Variants in DSCAM observed in about 807,000 individuals in gnomAD.
DSCAM encodes the protein cell adhesion molecule DSCAM.
DSCAM carries 47 observed loss-of-function variants against 217.7 expected under a neutral mutation model. The observed-to-expected ratio is 0.22, with a 90% confidence interval of 0.17 to 0.28. The LOEUF (loss-of-function observed/expected upper bound fraction) is 0.28. Among genes scored for constraint, DSCAM ranks in the 10% least tolerant of loss-of-function variants. The pLI is 1.00. For missense variants in DSCAM, 2,080 were observed against 2,618.3 expected (o/e 0.79, Z 4.49); for synonymous variants, 1,056 against 1,015.3 (o/e 1.04, Z -0.76).
intron 3 of DSCAM, among the ~76,000 whole-genome samples, chr21:40,377,585 T>C (rs1220341870): frequency 1.3e-5 from 2 of 151,916 alleles, no homozygotes; most frequent in African/African-American, 2.4e-5. Flanking sequence ...GCTGTGAGCA[T>C]GCTGAGTCAG....
chr21:40,600,488 C>A (rs2077054168), intron 3 of DSCAM, among the ~76,000 whole-genome samples: 1 of 152,172 alleles, frequency 6.6e-6, no homozygotes, highest in Admixed American at 6.5e-5. Flanking sequence ...AAGACTATCA[C>A]AACATATGAA....
At chr21:40,720,822 T>C (rs1331304768) in intron 1 of DSCAM, among the ~76,000 whole-genome samples, 1 of 152,144 alleles carries the variant, frequency 6.6e-6, no homozygotes, top group Non-Finnish European at 1.5e-5. Flanking sequence ...AGTATGACAC[T>C]TGAGGGGACT....
chr21:40,390,820 ACTT>A (rs1216926508), intron 3 of DSCAM, among the ~76,000 whole-genome samples: 4 of 152,108 alleles, frequency 2.6e-5, no homozygotes, highest in African/African-American at 9.7e-5. Flanking sequence ...CATCTTAACT[ACTT>A]ATATCTTCAA....
At position 40,312,371 on chromosome 21, in the gene DSCAM, A is replaced by G. The variant is rs761757781; in HGVS notation, c.1784-12T>C. The G allele has an allele frequency of 3.7e-6, 6 of 1,611,562 alleles. No individual in the cohort carries two copies. The highest frequency in any genetic ancestry group is 5.1e-6 in the Non-Finnish European group (6 of 1,178,358). ...TATGAAAGGCGGAACTGCAAGAAAA[A>G]AGAAAGATAATAACGAACTGTGCTT... On this transcript the variant is annotated splice_polypyrimidine_tract_variant and intron_variant, in intron 8 of 32. Transcript: ENST00000400454.
intron 18 of DSCAM, among the ~76,000 whole-genome samples, chr21:40,136,184 AC>A (rs1161836384): frequency 6.6e-6 from 1 of 152,260 alleles, no homozygotes; most frequent in African/African-American, 2.4e-5. Context: ...ATGTGTGGTC[AC>A]CAGGTAGTCA....
intron 3 of DSCAM, among the ~76,000 whole-genome samples, chr21:40,558,788 T>A (rs2076693095): frequency 6.6e-6 from 1 of 152,200 alleles, no homozygotes; most frequent in African/African-American, 2.4e-5. Context: ...TCACAAACCA[T>A]CCTCGTTATT....
chr21:40,050,086 G>A (rs995894302), intron 30 of DSCAM, among the ~76,000 whole-genome samples: 1 of 152,232 alleles, frequency 6.6e-6, no homozygotes, highest in Non-Finnish European at 1.5e-5. Flanking sequence ...TTGGGGCAGT[G>A]TTTCTCAATG....
chr21:40,287,935 G>A (rs1052266241), intron 10 of DSCAM, among the ~76,000 whole-genome samples: 2 of 152,182 alleles, frequency 1.3e-5, no homozygotes, highest in Non-Finnish European at 2.9e-5. Context: ...ACTACAATGA[G>A]CAGAAAGGAC....
At chr21:40,349,755 T>A (rs2074608462) in intron 5 of DSCAM, among the ~76,000 whole-genome samples, 1 of 152,172 alleles carries the variant, frequency 6.6e-6, no homozygotes, top group African/African-American at 2.4e-5. Context: ...AGACCTACAG[T>A]TACAGATTTT....
chr21:40,446,941 T>C (rs575317642), intron 3 of DSCAM, among the ~76,000 whole-genome samples: 15 of 152,050 alleles, frequency 9.9e-5, no homozygotes, highest in African/African-American at 2.7e-4. Context: ...AGAGACAGGA[T>C]TGAGTGATGC....
chr21:40,078,685 A>G lies in DSCAM; in HGVS notation c.4711+2T>C. 6.2e-7 allele frequency: 1 copy of G among 1,610,936 alleles called. No homozygotes were observed. Among genetic ancestry groups the G allele is most frequent in the Non-Finnish European group, 8.5e-7 (1 of 1,177,570 alleles). On this transcript the variant is annotated splice_donor_variant, in intron 26 of 32. Coordinates refer to ENST00000400454, the MANE Select transcript of DSCAM (RefSeq NM_001389.5). LOFTEE classifies it high-confidence loss of function. ...GGAGAGCCACAAAGCCAGCCAGCTT[A>G]CTGCCATCGTAGTTCAGCGTAGCGA...
At chr21:40,803,665 A>C (rs920377685) in intron 1 of DSCAM, among the ~76,000 whole-genome samples, 1 of 152,198 alleles carries the variant, frequency 6.6e-6, no homozygotes, top group Non-Finnish European at 1.5e-5. Flanking sequence ...ACTAGAATCT[A>C]CAGACTTTAG....
At chr21:40,336,767 C>T (rs1977021371) in intron 8 of DSCAM, among the ~76,000 whole-genome samples, 1 of 152,164 alleles carries the variant, frequency 6.6e-6, no homozygotes, top group Non-Finnish European at 1.5e-5. Flanking sequence ...TATTGTTTGT[C>T]TCTCCTGACT....
chr21:40,696,097 A>G (rs568136777), intron 2 of DSCAM, among the ~76,000 whole-genome samples: 1 of 152,112 alleles, frequency 6.6e-6, no homozygotes, highest in African/African-American at 2.4e-5. Context: ...AAAAAAATAC[A>G]CTTTGTTTTA....
chr21:40,447,327 T>C (rs1352361957), intron 3 of DSCAM, among the ~76,000 whole-genome samples: 4 of 152,196 alleles, frequency 2.6e-5, no homozygotes, highest in African/African-American at 7.2e-5. Context: ...ATTTTGGTTG[T>C]AAAAGGTCTA....
chr21:40,129,230 G>A (rs430433), intron 19 of DSCAM, among the ~76,000 whole-genome samples: 6 of 152,092 alleles, frequency 3.9e-5, no homozygotes, highest in African/African-American at 1.4e-4. Context: ...GAGCCATGCC[G>A]TGCCGTGCAG....
chr21:40,410,424 T>C (rs2075312731), intron 3 of DSCAM, among the ~76,000 whole-genome samples: 1 of 151,900 alleles, frequency 6.6e-6, no homozygotes, highest in Non-Finnish European at 1.5e-5. Context: ...GAGTTAGGAC[T>C]CCTATCAGAG....
intron 3 of DSCAM, among the ~76,000 whole-genome samples, chr21:40,602,624 C>T (rs1303615920): frequency 6.6e-6 from 1 of 152,066 alleles, no homozygotes; most frequent in Non-Finnish European, 1.5e-5. Flanking sequence ...CTTTTCATAA[C>T]CCTATTATCC....
chr21:40,055,583 C>G, intron 29 of DSCAM, 142 bp downstream of exon 29: 1 of 632,434 alleles, frequency 1.6e-6, no homozygotes, highest in Non-Finnish European at 2.8e-6. Context: ...TTCACAAGAA[C>G]AATTCTCTAC....
Sources: allele counts gnomAD v4.1 joint callset (sites outside exome capture counted in the v4.1 genomes callset), GRCh38; gene constraint gnomAD v4.1.1; transcripts MANE v1.5; gene names NCBI Gene and HGNC (gene_info 2026-07-23, HGNC 2026-07-21).